SLC38A10: variants seen among roughly 807,000 people sequenced by gnomAD.
SLC38A10 encodes the protein solute carrier family 38 member 10, also known as Sodium-coupled neutral amino acid transporter 10.
In SLC38A10, 53 loss-of-function variants were observed where a neutral mutation model predicts 81.0. The observed-to-expected ratio is 0.65, with a 90% CI of 0.53 to 0.82. The LOEUF is 0.82. SLC38A10 is among the 40% of genes least tolerant of loss of function. SLC38A10 has a pLI of 0.00. For synonymous variants in SLC38A10, 665 were observed against 655.3 expected (o/e 1.01, Z -0.23); for missense variants, 1,471 against 1,545.0 (o/e 0.95, Z 0.80).
At chr17:81,259,960 G>A (rs955905200) in intron 11 of SLC38A10, among the ~76,000 whole-genome samples, 5 of 152,192 alleles carry the variant, frequency 3.3e-5, no homozygotes, top group Admixed American at 6.5e-5. Flanking sequence ...CTAGCCCACC[G>A]AGTGGCAGGC....
At chr17:81,251,442 G>A in intron 14 of SLC38A10, 51 bp downstream of exon 14, 1 of 1,608,392 alleles carries the variant, frequency 6.2e-7, no homozygotes, top group South Asian at 1.1e-5. Context: ...TGGGGGAGGG[G>A]GCTGCCGCTC....
rs780760283 is a variant in SLC38A10 at position 81,245,989 on chromosome 17, C to T, written c.2927G>A (p.Arg976Gln). The T allele has an allele frequency of 4.7e-5, 75 of 1,604,538 alleles. No individual in the cohort carries two copies. In the African/African-American group the frequency reaches 6.4e-4, roughly 14 times the overall value. ...CTCCAGGTGACCGCCATGGTCCAGC[C>T]GGTGGCCCTGCTGTCCACCCTGCTC... is the stretch of plus-strand genomic sequence containing the variant. The part of the protein sequence containing the change: ...DGEQGGQQGH[R>Q]LDHGGHLEMR... Residue 976 changes from arginine to glutamine, a missense_variant, in exon 16 of 16, where the codon CGG (arginine) becomes CAG (glutamine). By Grantham distance (43) the Arg-to-Gln change is conservative (BLOSUM62 1). Coordinates refer to ENST00000374759, the MANE Select transcript of SLC38A10 (RefSeq NM_001037984.3).
intron 6 of SLC38A10, chr17:81,280,128 T>G (rs1348959758): frequency 8.8e-6 from 4 of 452,292 alleles, no homozygotes; most frequent in Admixed American, 2.4e-5. Flanking sequence ...GCTGCTGGAA[T>G]TATGGAAGAG....
intron 6 of SLC38A10, chr17:81,280,141 C>T (rs909506332): frequency 4.2e-5 from 19 of 453,198 alleles, no homozygotes; most frequent in East Asian, 2.1e-4. Context: ...TGGAAGAGCC[C>T]GATCCACATT....
rs1369720514 is a variant in SLC38A10, at chr17:81,246,546, G to GC, written c.2369dup (p.Arg791ProfsTer9). ...TAAGGTCCTGGGATGGAGCAGGGCG[G>GC]CCCCCAGGAGCTCTGAGGACAGGGT... On this transcript the variant is annotated frameshift_variant, in exon 16 of 16. Transcript: ENST00000374759. LOFTEE classifies it low-confidence loss of function (END_TRUNC). 2.3e-5 allele frequency: 35 copies of GC among 1,516,024 alleles called. No homozygotes were observed. The highest frequency in any genetic ancestry group is 2.8e-5 in the Non-Finnish European group (32 of 1,133,906). The allele number at this position is 1,516,024 out of a possible 1,614,324, so 93.9% of individuals were successfully genotyped here.
chr17:81,280,776 C>T (rs2063204464), intron 5 of SLC38A10, 43 bp from the exon 6 acceptor site: 3 of 1,572,372 alleles, frequency 1.9e-6, no homozygotes, highest in Non-Finnish European at 2.6e-6. Flanking sequence ...GGTCAGGACG[C>T]AGGCGGGACT....
rs376502954 is a variant in SLC38A10 at position 81,245,946 on chromosome 17, C to G, written c.2970G>C (p.Gly990=). 70 of 1,606,762 alleles carry G rather than the reference C, an allele frequency of 4.4e-5. No individual in the cohort carries two copies. Among genetic ancestry groups the G allele is most frequent in the East Asian group, 6.7e-5 (3 of 44,736 alleles). ...GGHLEMRKAR[G]GDHVPVSHEQ... The stretch of plus-strand genomic sequence containing the variant: ...CGTGGGACACAGGCACATGGTCCCC[C>G]CCGCGGGCCTTTCTCATCTCCAGGT... The change falls in exon 16 of 16, where the codon GGG becomes GGC. Residue 990 remains glycine (G), a synonymous_variant. Coordinates refer to ENST00000374759, the MANE Select transcript of SLC38A10 (RefSeq NM_001037984.3).
intron 8 of SLC38A10, among the ~76,000 whole-genome samples, chr17:81,273,819 G>A (rs908727209): frequency 6.6e-6 from 1 of 152,166 alleles, no homozygotes; most frequent in Non-Finnish European, 1.5e-5. Context: ...CCAGGCCCCC[G>A]CAACAGGTGG....
At chr17:81,257,620 G>C (rs1178765950) in intron 11 of SLC38A10, among the ~76,000 whole-genome samples, 1 of 152,240 alleles carries the variant, frequency 6.6e-6, no homozygotes, top group African/African-American at 2.4e-5. Context: ...CATGGGGGCT[G>C]TGTGTCCCCG....
At chr17:81,287,185 G>A (rs1159452929) in intron 2 of SLC38A10, among the ~76,000 whole-genome samples, 2 of 152,220 alleles carry the variant, frequency 1.3e-5, no homozygotes, top group African/African-American at 4.8e-5. Context: ...TGGCACTGGA[G>A]GACAGCGGGG....
intron 8 of SLC38A10, among the ~76,000 whole-genome samples, chr17:81,274,741 C>T (rs558205662): frequency 7.9e-5 from 12 of 152,078 alleles, no homozygotes; most frequent in African/African-American, 2.6e-4. Context: ...GCCCCACGCT[C>T]GGGGCGAAAG....
chr17:81,253,350 G>GT lies in SLC38A10; in HGVS notation c.1289-111dup. ...CCAGCCAAATGGCAGAGTCAAAGCAGTTTCTTTTTCCTGTTCGATCATTAG... is the reference window on the plus strand; with the variant it reads ...CCAGCCAAATGGCAGAGTCAAAGCAGTTTTCTTTTTCCTGTTCGATCATTAG... On this transcript the variant is annotated intron_variant, in intron 11 of 15. Transcript: ENST00000374759. The surrounding 1 kb of genome is among the most constrained non-coding windows in gnomAD (Gnocchi z 4.1). The GT allele has an allele frequency of 1.7e-5, 23 of 1,351,188 alleles. No individual in the cohort carries two copies. The highest frequency in any genetic ancestry group is 2.9e-5 in the South Asian group (2 of 69,974). 83.7% of individuals were successfully genotyped at this position (1,351,188 alleles called of 1,614,324 possible).
Position 81,265,640 on chromosome 17 carries a change from G to A in SLC38A10, c.1132-5246C>T, listed in dbSNP as rs997636376. ...GGGTACAGGCACCATATCGCTGAGA[G>A]TACTCAGACAGGCCAAGGCACAGAT... is the stretch of plus-strand genomic sequence containing the variant. On this transcript the variant is annotated intron_variant, in intron 10 of 15. Coordinates refer to ENST00000374759, the MANE Select transcript of SLC38A10 (RefSeq NM_001037984.3). The surrounding 1 kb of genome is among the most constrained non-coding windows in gnomAD (Gnocchi z 4.2). Among the ~76,000 whole-genome samples, 4 of 152,220 alleles carry A rather than the reference G, an allele frequency of 2.6e-5. No homozygotes were observed. The highest frequency in any genetic ancestry group is 9.6e-5 in the African/African-American group (4 of 41,456).
intron 10 of SLC38A10, among the ~76,000 whole-genome samples, chr17:81,261,901 C>T (rs954607836): frequency 7.9e-5 from 12 of 152,202 alleles, no homozygotes; most frequent in Non-Finnish European, 1.6e-4. Flanking sequence ...GAGGTCCGGA[C>T]GGGGCCTGCA....
At chr17:81,247,348 A>G (rs1439251851) in intron 14 of SLC38A10, 4 of 314,930 alleles carry the variant, frequency 1.3e-5, no homozygotes, top group African/African-American at 2.1e-5. Flanking sequence ...CAGTTCTCCC[A>G]CTGGCTGTGC....
chr17:81,272,900 G>A (rs2063129654), intron 8 of SLC38A10, among the ~76,000 whole-genome samples: 2 of 152,152 alleles, frequency 1.3e-5, no homozygotes, highest in South Asian at 2.1e-4. Flanking sequence ...TGTGAGTATC[G>A]AGTCCTTCCG....
At position 81,275,624 on chromosome 17, in the gene SLC38A10, C is replaced by T. The variant is rs373063387; in HGVS notation, c.912+345G>A. Among the ~76,000 whole-genome samples the T allele has an allele frequency of 5.6e-4, 83 of 148,376 alleles. No individual in the cohort carries two copies. In the East Asian group the frequency reaches 7.8e-3, roughly 14 times the overall value. On this transcript the variant is annotated intron_variant, in intron 8 of 15. Coordinates refer to ENST00000374759, the MANE Select transcript of SLC38A10 (RefSeq NM_001037984.3). ...GCGCGCGCCTGTAGTCCCAGCTACA[C>T]GGGAGGCTGAGGCAGGAGAATGGCG...
At chr17:81,264,898 G>C (rs2063057023) in intron 10 of SLC38A10, 1 of 152,174 alleles carries the variant, frequency 6.6e-6, no homozygotes, top group Non-Finnish European at 1.5e-5. Flanking sequence ...AGGCCTTTCA[G>C]GGACTGCTGC....
At chr17:81,292,646 C>T (rs1024602807) in intron 1 of SLC38A10, among the ~76,000 whole-genome samples, 3 of 152,202 alleles carry the variant, frequency 2.0e-5, no homozygotes, top group Admixed American at 6.5e-5. Context: ...CTCAGAAGGA[C>T]GTCTCTAGTC....
Sources: gnomAD v4.1 joint callset for allele counts (sites outside exome capture counted in the v4.1 genomes callset) on GRCh38, gnomAD v4.1.1 for gene constraint, Gnocchi (gnomAD v3.1) non-coding constraint, MANE v1.5 for transcripts, NCBI Gene and HGNC (gene_info 2026-07-23, HGNC 2026-07-21) for gene names.